Variants in CNTN5 observed in about 807,000 individuals in gnomAD.
CNTN5 encodes the protein contactin 5, also known as contactin-5.
Under a neutral mutation model 129.1 loss-of-function variants are expected in CNTN5, and 77 were observed. The observed-to-expected ratio is 0.60, with a 90% CI of 0.50 to 0.72. The LOEUF is 0.72. CNTN5 is among the 30% of genes least tolerant of loss of function. The pLI is 0.00. For synonymous variants in CNTN5, 509 were observed against 465.6 expected, an observed-to-expected ratio of 1.09 and a Z score of -1.20; for missense variants, 1,478 against 1,328.8, an observed-to-expected ratio of 1.11 and a Z score of -1.75.
intron 1 of CNTN5, among the ~76,000 whole-genome samples, chr11:99,043,015 AT>A (rs1428618502): frequency 1.3e-5 from 2 of 152,186 alleles, no homozygotes; most frequent in South Asian, 2.1e-4. Flanking sequence ...TTATAGAGAT[AT>A]CCCCTGGACC....
At chr11:100,273,326 G>C (rs770858913) in intron 18 of CNTN5, among the ~76,000 whole-genome samples, 3 of 152,094 alleles carry the variant, frequency 2.0e-5, no homozygotes, top group Non-Finnish European at 2.9e-5. Flanking sequence ...ACATGAGTTT[G>C]CTGGGCGTGT....
chr11:100,195,525 C>T (rs190400071), intron 15 of CNTN5, among the ~76,000 whole-genome samples: 15 of 151,960 alleles, frequency 9.9e-5, no homozygotes, highest in East Asian at 3.9e-4. Context: ...CCTTATTCCA[C>T]GCAAACCCAT....
At position 99,820,977 on chromosome 11, in the gene CNTN5, C is replaced by T. The variant is rs144213911; in HGVS notation, c.277+1212C>T. Reference sequence around the variant, plus strand: ...ATTGTTGCCATGTGCAGCATTGTCTCGTAGTGTTGGCATCTAAGTTGTATG... The same window carrying T: ...ATTGTTGCCATGTGCAGCATTGTCTTGTAGTGTTGGCATCTAAGTTGTATG... On this transcript the variant is annotated intron_variant, in intron 4 of 24. Transcript: ENST00000524871. 7.2e-4 allele frequency among the ~76,000 whole-genome samples: 109 copies of T among 152,304 alleles called. 1 individual carries two copies. The East Asian group carries it at 8.3e-3, about 12-fold the overall frequency.
chr11:99,638,066 A>G (rs1229865942), intron 3 of CNTN5, among the ~76,000 whole-genome samples: 2 of 115,246 alleles, frequency 1.7e-5, no homozygotes, highest in African/African-American at 5.7e-5. Flanking sequence ...ATAAAGACAT[A>G]CCTGAAACTG....
intron 18 of CNTN5, among the ~76,000 whole-genome samples, chr11:100,291,831 T>G (rs1262751791): frequency 6.6e-6 from 1 of 150,584 alleles, no homozygotes; most frequent in African/African-American, 2.4e-5. Context: ...AAAAATATTT[T>G]TTCTACATTT....
chr11:100,274,391 G>A (rs1276997215), intron 18 of CNTN5, among the ~76,000 whole-genome samples: 1 of 152,050 alleles, frequency 6.6e-6, no homozygotes, highest in Admixed American at 6.5e-5. Context: ...TTAAACTTAA[G>A]AGCTTCTGCA....
At chr11:99,656,188 C>A (rs1036911946) in intron 3 of CNTN5, among the ~76,000 whole-genome samples, 2 of 151,958 alleles carry the variant, frequency 1.3e-5, no homozygotes, top group South Asian at 2.1e-4. Context: ...ACCTCTTTAA[C>A]CTCTTCATTT....
intron 2 of CNTN5, among the ~76,000 whole-genome samples, chr11:99,417,701 A>G (rs1157512973): frequency 6.6e-6 from 1 of 152,136 alleles, no homozygotes; most frequent in Non-Finnish European, 1.5e-5. Flanking sequence ...GAGACTCTTC[A>G]TTTCCATTCT....
At chr11:99,534,555 T>C (rs1221338162) in intron 2 of CNTN5, among the ~76,000 whole-genome samples, 6 of 152,214 alleles carry the variant, frequency 3.9e-5, no homozygotes, top group Non-Finnish European at 7.3e-5. Flanking sequence ...AGTCATCATT[T>C]AATAAATGGT....
intron 13 of CNTN5, among the ~76,000 whole-genome samples, chr11:100,114,938 C>G (rs1036226090): frequency 6.6e-5 from 10 of 151,074 alleles, no homozygotes; most frequent in African/African-American, 2.4e-4. Flanking sequence ...ACCTTTTGTC[C>G]CACTCCACTC....
Position 99,388,476 on chromosome 11 carries a change from G to A in CNTN5, c.-71+62992G>A, listed in dbSNP as rs10893278. Among the ~76,000 whole-genome samples, 3 of 149,622 alleles carry A rather than the reference G, an allele frequency of 2.0e-5. 1 individual carries two copies. The highest frequency in any genetic ancestry group is 4.2e-4 in the South Asian group (2 of 4,754). ...TATTTCTCTTCATGGCACTTTGTAC[G>A]CTTGTAAACTACTTGAAAGCAGATA... On this transcript the variant is annotated intron_variant, in intron 2 of 24. Coordinates refer to ENST00000524871, the MANE Select transcript of CNTN5 (RefSeq NM_014361.4).
chr11:99,476,230 T>G (rs1945367100), intron 2 of CNTN5, among the ~76,000 whole-genome samples: 1 of 152,086 alleles, frequency 6.6e-6, no homozygotes, highest in Non-Finnish European at 1.5e-5. Context: ...TAATTATCAC[T>G]TGAGGCTAAA....
intron 16 of CNTN5, among the ~76,000 whole-genome samples, chr11:100,229,911 G>A (rs1183211815): frequency 2.0e-5 from 3 of 152,160 alleles, no homozygotes; most frequent in Non-Finnish European, 4.4e-5. Context: ...TGTGCTTGGA[G>A]AGTGCATAAG....
chr11:99,864,084 T>C (rs1243076285), intron 6 of CNTN5, among the ~76,000 whole-genome samples: 1 of 152,206 alleles, frequency 6.6e-6, no homozygotes, highest in Non-Finnish European at 1.5e-5. Context: ...AAGTGCTTTA[T>C]ATGGTGTCTG....
At chr11:99,220,979 A>G (rs950534192) in intron 1 of CNTN5, among the ~76,000 whole-genome samples, 3 of 151,974 alleles carry the variant, frequency 2.0e-5, no homozygotes, top group Non-Finnish European at 4.4e-5. Context: ...TGAAATTTAT[A>G]CAATTTACAG....
At chr11:100,129,107 G>A (rs1946292650) in intron 13 of CNTN5, among the ~76,000 whole-genome samples, 1 of 152,116 alleles carries the variant, frequency 6.6e-6, no homozygotes, top group Admixed American at 6.6e-5. Context: ...TACACTGTTT[G>A]AAATAGAGTA....
chr11:99,391,805 G>T (rs1941274979), intron 2 of CNTN5, among the ~76,000 whole-genome samples: 1 of 151,848 alleles, frequency 6.6e-6, no homozygotes, highest in Non-Finnish European at 1.5e-5. Flanking sequence ...ATAAATTTTT[G>T]TTTCCCTGGG....
At chr11:100,099,734 G>T (rs1023676231) in intron 13 of CNTN5, among the ~76,000 whole-genome samples, 5 of 151,676 alleles carry the variant, frequency 3.3e-5, no homozygotes, top group African/African-American at 1.2e-4. Flanking sequence ...GTAGGCCCCA[G>T]TTGAAGAATT....
At chr11:99,853,040 T>A (rs1454761413) in intron 6 of CNTN5, among the ~76,000 whole-genome samples, 8 of 152,030 alleles carry the variant, frequency 5.3e-5, no homozygotes, top group Non-Finnish European at 1.2e-4. Flanking sequence ...AAGACACCAA[T>A]ATAGTACAAA....
Sources: allele counts gnomAD v4.1 joint callset (sites outside exome capture counted in the v4.1 genomes callset), GRCh38; gene constraint gnomAD v4.1.1; transcripts MANE v1.5; gene names NCBI Gene and HGNC (gene_info 2026-07-23, HGNC 2026-07-21).